BIN3: variants seen among roughly 807,000 people sequenced by gnomAD.
The protein encoded by BIN3 is bridging integrator 3.
In BIN3, 41 loss-of-function variants were observed where a neutral mutation model predicts 38.2. The observed-to-expected ratio is 1.07, with a 90% CI of 0.84 to 1.39. The LOEUF is 1.39. Among genes scored for constraint, BIN3 ranks in the 40% most tolerant of loss-of-function variants. The pLI is 0.00. For synonymous variants in BIN3, 145 were observed against 122.6 expected, an observed-to-expected ratio of 1.18 and a Z score of -1.21; for missense variants, 361 against 324.3, an observed-to-expected ratio of 1.11 and a Z score of -0.87.
At chr8:22,643,998 GA>G (rs900908107) in intron 2 of BIN3, among the ~76,000 whole-genome samples, 1 of 152,262 alleles carries the variant, frequency 6.6e-6, no homozygotes, top group Non-Finnish European at 1.5e-5. Context: ...TGAGGCAATG[GA>G]AAGAGTATCA....
At chr8:22,636,769 T>C in intron 3 of BIN3, 153 bp downstream of exon 3, 1 of 1,029,404 alleles carries the variant, frequency 9.7e-7, no homozygotes, top group South Asian at 1.4e-5. Flanking sequence ...ACATGGCCAT[T>C]GCCAGGGAAC....
chr8:22,642,250 GAAC>G (rs1802587045), intron 2 of BIN3, among the ~76,000 whole-genome samples: 1 of 141,724 alleles, frequency 7.1e-6, no homozygotes, highest in South Asian at 2.2e-4. Context: ...GCCTGGGCAA[GAAC>G]AACAGAGTGC....
intron 5 of BIN3, 28 bp from the exon 6 acceptor site, chr8:22,630,032 A>C (rs1342244366): frequency 6.2e-7 from 1 of 1,600,158 alleles, no homozygotes; most frequent in Non-Finnish European, 8.5e-7. Flanking sequence ...AAAGACATTA[A>C]AACTGGTGGG....
intron 1 of BIN3, among the ~76,000 whole-genome samples, chr8:22,667,373 T>G (rs1033947568): frequency 1.3e-5 from 2 of 152,214 alleles, no homozygotes; most frequent in Non-Finnish European, 1.5e-5. Context: ...ATCATTTACC[T>G]TTATTAGTTT....
At chr8:22,636,701 G>C in intron 3 of BIN3, 115 bp from the exon 4 acceptor site, 1 of 1,186,992 alleles carries the variant, frequency 8.4e-7, no homozygotes. Context: ...TCTCCACGGG[G>C]ACTTTTCCCG....
At chr8:22,655,250 T>A (rs57237427) in intron 1 of BIN3, among the ~76,000 whole-genome samples, 16,777 of 152,214 alleles carry the variant, frequency 0.11, 1,947 homozygotes, top group African/African-American at 0.29. Context: ...TTCTTAATGG[T>A]GTCCTTTGAA....
intron 6 of BIN3, chr8:22,624,888 C>A (rs1406943620): frequency 1.4e-5 from 3 of 217,066 alleles, no homozygotes; most frequent in Non-Finnish European, 2.8e-5. Context: ...GAAGAGAACA[C>A]AGGTGTCCAC....
intron 2 of BIN3, among the ~76,000 whole-genome samples, chr8:22,637,940 T>G (rs1408804109): frequency 1.3e-5 from 2 of 152,176 alleles, no homozygotes; most frequent in Non-Finnish European, 2.9e-5. Context: ...CCAGGTTACG[T>G]ACCCTGGCCA....
chr8:22,629,794 A>G, intron 6 of BIN3, 170 bp downstream of exon 6: 1 of 685,368 alleles, frequency 1.5e-6, no homozygotes, highest in Non-Finnish European at 2.5e-6. Context: ...AGCCCCCAGG[A>G]GCATGGACGC....
At chr8:22,658,920 G>A (rs1455102991) in intron 1 of BIN3, among the ~76,000 whole-genome samples, 3 of 152,222 alleles carry the variant, frequency 2.0e-5, no homozygotes, top group Non-Finnish European at 2.9e-5. Flanking sequence ...AGAGCAGGAA[G>A]GTGGGCGAGA....
At chr8:22,642,382 C>A (rs1258555814) in intron 2 of BIN3, among the ~76,000 whole-genome samples, 1 of 152,214 alleles carries the variant, frequency 6.6e-6, no homozygotes, top group East Asian at 1.9e-4. Flanking sequence ...CAGGGTCTTA[C>A]TACTTCTACT....
Position 22,621,523 on chromosome 8 carries a change from G to A in BIN3, c.661C>T (p.His221Tyr), listed in dbSNP as rs1297450366. 6.2e-7 allele frequency: 1 copy of A among 1,613,800 alleles called. No homozygotes were observed. The highest frequency in any genetic ancestry group is 8.5e-7 in the Non-Finnish European group (1 of 1,179,898). The stretch of plus-strand genomic sequence containing the variant: ...GAGTGGCCTGGCTGGTCAAGCTGAT[G>A]GGACAGGTCTCCAAAGATCTTGTGC... ...EMHKIFGDLS[H>Y]QLDQPGHSDE... The change falls in exon 9 of 9, where the codon CAT becomes TAT. Residue 221 changes from histidine to tyrosine, a missense_variant. His to Tyr is a moderately conservative substitution (Grantham distance 83). Coordinates refer to ENST00000276416, the MANE Select transcript of BIN3 (RefSeq NM_018688.6).
At position 22,630,513 on chromosome 8, in the gene BIN3, G is replaced by A; in HGVS notation, c.226C>T (p.Gln76Ter). ...LLSNPLCEQD[Q>*]DLLNMVTALD... ...GCCGTCACCATGTTCAGAAGGTCCT[G>A]GTCTTGCTCACAGAGGGGATTGGAG... The change falls in exon 5 of 9, where the codon CAG (glutamine) becomes TAG (stop). Residue 76 changes from glutamine (Q) to a stop codon, truncating the protein, a stop_gained. Coordinates refer to ENST00000276416, the MANE Select transcript of BIN3 (RefSeq NM_018688.6). LOFTEE classifies it high-confidence loss of function. 1.2e-6 allele frequency: 2 copies of A among 1,614,024 alleles called. No homozygotes were observed. The highest frequency in any genetic ancestry group is 1.6e-4 in the Middle Eastern group (1 of 6,062).
chr8:22,649,812 AACACACACACAC>A (rs571224082), intron 1 of BIN3, among the ~76,000 whole-genome samples: 15 of 89,160 alleles, frequency 1.7e-4, no homozygotes, highest in Non-Finnish European at 3.4e-4. Context: ...CGCAAAGGAC[AACACACACACAC>A]ACACACACAC....
intron 6 of BIN3, chr8:22,625,486 A>G: frequency 1.4e-6 from 1 of 694,542 alleles, no homozygotes; most frequent in Non-Finnish European, 2.6e-6. Context: ...CTGGGATCAT[A>G]GGCACTCAGA....
At chr8:22,640,142 C>G (rs1006691181) in intron 2 of BIN3, among the ~76,000 whole-genome samples, 1 of 151,996 alleles carries the variant, frequency 6.6e-6, no homozygotes, top group African/African-American at 2.4e-5. Context: ...GGATTATAGG[C>G]GTGAGCCACT....
At chr8:22,643,629 T>C (rs1802631127) in intron 2 of BIN3, among the ~76,000 whole-genome samples, 1 of 152,244 alleles carries the variant, frequency 6.6e-6, no homozygotes, top group Non-Finnish European at 1.5e-5. Context: ...AACTTGGGCC[T>C]GTTTCCTCTC....
chr8:22,623,358 G>A (rs1801902406), intron 8 of BIN3, among the ~76,000 whole-genome samples: 1 of 152,156 alleles, frequency 6.6e-6, no homozygotes, highest in African/African-American at 2.4e-5. Flanking sequence ...CCCCAGTGGC[G>A]CCCCCATGCC....
chr8:22,631,701 C>T lies in BIN3; in HGVS notation c.161-1123G>A, dbSNP rs117012838. On this transcript the variant is annotated intron_variant, in intron 4 of 8. Coordinates refer to ENST00000276416, the MANE Select transcript of BIN3 (RefSeq NM_018688.6). ...GCTCTGTCCATCAGGCATCCACTGA[C>T]GTTTTTCAAGGCACCCTGGTACCGG... Among the ~76,000 whole-genome samples the T allele has an allele frequency of 4.8e-3, 729 of 152,276 alleles. 3 individuals carry two copies. Among genetic ancestry groups the T allele is most frequent in the Middle Eastern group, 6.8e-3 (2 of 294 alleles).
Sources: allele counts gnomAD v4.1 joint callset (sites outside exome capture counted in the v4.1 genomes callset), GRCh38; gene constraint gnomAD v4.1.1; transcripts MANE v1.5; gene names NCBI Gene and HGNC (gene_info 2026-07-23, HGNC 2026-07-21).